SNX29: variants seen among roughly 807,000 people sequenced by gnomAD.
SNX29 encodes sorting nexin 29.
Under a neutral mutation model 102.1 loss-of-function variants are expected in SNX29, and 78 were observed. The observed-to-expected ratio is 0.76, with a 90% CI of 0.64 to 0.92. The LOEUF is 0.92. SNX29 is among the 40% of genes least tolerant of loss of function. SNX29 has a pLI of 0.00. For missense variants in SNX29, 1,280 were observed against 1,061.7 expected, an observed-to-expected ratio of 1.21 and a Z score of -2.86; for synonymous variants, 580 against 414.5, an observed-to-expected ratio of 1.40 and a Z score of -4.85.
chr16:12,540,554 T>G (rs1346222223), intron 20 of SNX29, among the ~76,000 whole-genome samples: 5 of 152,350 alleles, frequency 3.3e-5, no homozygotes, highest in African/African-American at 4.8e-5. Flanking sequence ...AGCCACCCTA[T>G]GCCATGGCCC....
intron 20 of SNX29, among the ~76,000 whole-genome samples, chr16:12,541,116 G>T (rs767667029): frequency 6.6e-6 from 1 of 152,094 alleles, no homozygotes; most frequent in Non-Finnish European, 1.5e-5. Context: ...AGCTGACTTG[G>T]AGGGGAGACA....
chr16:12,177,190 G>T (rs1298425092), intron 13 of SNX29, among the ~76,000 whole-genome samples: 1 of 152,074 alleles, frequency 6.6e-6, no homozygotes, highest in Non-Finnish European at 1.5e-5. Flanking sequence ...ATCCTCAAGC[G>T]ATCCTCCCAC....
intron 14 of SNX29, among the ~76,000 whole-genome samples, chr16:12,273,935 G>T (rs1209754033): frequency 6.6e-6 from 1 of 152,184 alleles, no homozygotes; most frequent in South Asian, 2.1e-4. Flanking sequence ...TCTCATGGCT[G>T]AATAGTACAA....
intron 15 of SNX29, among the ~76,000 whole-genome samples, chr16:12,320,640 C>T (rs1029387823): frequency 6.6e-6 from 1 of 152,258 alleles, no homozygotes; most frequent in East Asian, 1.9e-4. Context: ...CACTGTGTTC[C>T]AGGCAGTGTG....
chr16:12,552,601 G>C (rs748780949), intron 20 of SNX29, among the ~76,000 whole-genome samples: 1 of 152,150 alleles, frequency 6.6e-6, no homozygotes. Flanking sequence ...TATTCTCATG[G>C]GGATGACTAA....
At chr16:12,550,410 C>G (rs967146259) in intron 20 of SNX29, among the ~76,000 whole-genome samples, 2 of 151,964 alleles carry the variant, frequency 1.3e-5, no homozygotes, top group Non-Finnish European at 2.9e-5. Context: ...TGGTGCACGC[C>G]TGTACTCCCA....
intron 1 of SNX29, among the ~76,000 whole-genome samples, chr16:11,984,622 C>G (rs1450865326): frequency 6.6e-6 from 1 of 151,886 alleles, no homozygotes; most frequent in Non-Finnish European, 1.5e-5. Context: ...TCCCTCTCCT[C>G]CCTCTCTCCC....
Position 12,570,770 on chromosome 16 carries a change from GATA to G in SNX29, c.*2147_*2149del, listed in dbSNP as rs796657183. 98 of 148,832 alleles carry G rather than the reference GATA, an allele frequency of 6.6e-4. No homozygotes were observed. Among genetic ancestry groups the G allele is most frequent in the African/African-American group, 4.8e-3 (84 of 17,382 alleles). The allele number at this position is 148,832 out of a possible 1,614,324, so 9.2% of individuals were successfully genotyped here. A position where few individuals can be genotyped will look rare whatever the true frequency, so the allele number is the denominator to read the frequency against. On this transcript the variant is annotated 3_prime_UTR_variant, in exon 21 of 21. Coordinates refer to ENST00000566228, the MANE Select transcript of SNX29 (RefSeq NM_032167.5). ...GAAGCACCTTGGACATTCTGCACAT[GATA>G]ATAATGCAACAGTCCCCCATTGCTG...
intron 18 of SNX29, among the ~76,000 whole-genome samples, chr16:12,476,666 C>T (rs908722473): frequency 1.3e-5 from 2 of 151,578 alleles, no homozygotes. Context: ...TTCTCCATCT[C>T]ACTCCATCGG....
chr16:12,211,603 G>A (rs913441209), intron 14 of SNX29, among the ~76,000 whole-genome samples: 1 of 152,034 alleles, frequency 6.6e-6, no homozygotes, highest in Non-Finnish European at 1.5e-5. Flanking sequence ...GAGATTGATC[G>A]ATATTTTAAG....
chr16:12,524,899 C>T (rs1167309205), intron 20 of SNX29, 58 bp downstream of exon 20: 22 of 1,591,880 alleles, frequency 1.4e-5, no homozygotes, highest in South Asian at 5.6e-5. Flanking sequence ...TTTTCTCGGT[C>T]GTTTTGGAAG....
At position 12,299,254 on chromosome 16, in the gene SNX29, C is replaced by T. The variant is rs1043270068; in HGVS notation, c.1782+21218C>T. 3.9e-5 allele frequency among the ~76,000 whole-genome samples: 6 copies of T among 152,094 alleles called. No individual in the cohort carries two copies. In the East Asian group the frequency reaches 1.2e-3, roughly 29 times the overall value. ...GACGGAGGTTGCAGTGAGCTGAGAT[C>T]ATGCTACTGTACTCCAGCCTGGGTG... On this transcript the variant is annotated intron_variant, in intron 15 of 20. Transcript: ENST00000566228.
intron 3 of SNX29, among the ~76,000 whole-genome samples, chr16:12,024,926 T>C (rs1198471394): frequency 1.3e-5 from 2 of 152,158 alleles, no homozygotes; most frequent in Non-Finnish European, 2.9e-5. Context: ...TCTAGGTCAT[T>C]GTTGCTATGT....
At chr16:12,275,736 TG>T (rs2079224912) in intron 14 of SNX29, among the ~76,000 whole-genome samples, 1 of 151,858 alleles carries the variant, frequency 6.6e-6, no homozygotes, top group African/African-American at 2.4e-5. Flanking sequence ...AACCTTTTTT[TG>T]CTTTTATTGT....
At chr16:12,548,127 G>A (rs567954600) in intron 20 of SNX29, among the ~76,000 whole-genome samples, 64 of 152,312 alleles carry the variant, frequency 4.2e-4, no homozygotes, top group African/African-American at 1.5e-3. Flanking sequence ...GGGACAAGTA[G>A]GAATTTTCTA....
At position 12,365,394 on chromosome 16, in the gene SNX29, T is replaced by G. The variant is rs115273762; in HGVS notation, c.1899+9115T>G. On this transcript the variant is annotated intron_variant, in intron 16 of 20. Coordinates refer to ENST00000566228, the MANE Select transcript of SNX29 (RefSeq NM_032167.5). ...GCATACTCATCACATGGTGTTTATG[T>G]CAGGCTCTTCGGAGGCCGGGCGTGG... is the stretch of plus-strand genomic sequence containing the variant. Among the ~76,000 whole-genome samples the G allele has an allele frequency of 3.1e-3, 476 of 151,396 alleles. 3 individuals are homozygous for G. Among genetic ancestry groups the G allele is most frequent in the African/African-American group, 0.011 (458 of 41,276 alleles).
chr16:12,516,550 A>G (rs75419915), intron 19 of SNX29, among the ~76,000 whole-genome samples: 6,433 of 150,196 alleles, frequency 0.043, 392 homozygotes, highest in African/African-American at 0.13. Flanking sequence ...TGGAGTCCTT[A>G]GTAGTCTAGT....
chr16:12,540,460 T>C (rs1324522785), intron 20 of SNX29, among the ~76,000 whole-genome samples: 4 of 152,260 alleles, frequency 2.6e-5, no homozygotes, highest in Non-Finnish European at 5.9e-5. Flanking sequence ...CCGAGATCCG[T>C]CTTACTAGGC....
chr16:12,571,172 C>G lies in SNX29; in HGVS notation c.*2543C>G, dbSNP rs989994286. 2.6e-5 allele frequency: 6 copies of G among 232,552 alleles called. No individual in the cohort carries two copies. Among genetic ancestry groups the G allele is most frequent in the Admixed American group, 5.6e-5 (1 of 17,762 alleles). The allele number at this position is 232,552 out of a possible 1,614,324, so 14.4% of individuals were successfully genotyped here. A position where few individuals can be genotyped will look rare whatever the true frequency, so the allele number is the denominator to read the frequency against. On this transcript the variant is annotated 3_prime_UTR_variant, in exon 21 of 21. Transcript: ENST00000566228. ...GCTCAGAAGAATCCCGTCCTGCTCT[C>G]TAGTGTGGTGGGATGAACTTCAGGC... is the stretch of plus-strand genomic sequence containing the variant.
Sources: gnomAD v4.1 joint callset for allele counts (sites outside exome capture counted in the v4.1 genomes callset) on GRCh38, gnomAD v4.1.1 for gene constraint, MANE v1.5 for transcripts, NCBI Gene and HGNC (gene_info 2026-07-23, HGNC 2026-07-21) for gene names.